The following TBC1D22A variants were observed in gnomAD, a reference collection of about 807,000 sequenced individuals.
TBC1D22A encodes the protein TBC1 domain family member 22A.
A neutral mutation model predicts 60.2 loss-of-function variants in TBC1D22A; 38 were observed. That is an observed-to-expected ratio of 0.63 (90% CI 0.49 to 0.83). TBC1D22A has a LOEUF of 0.83. Ranked by LOEUF, TBC1D22A falls within the 40% of genes least tolerant of loss-of-function variation. The pLI is 0.00. For missense variants in TBC1D22A, 628 were observed against 701.0 expected, an observed-to-expected ratio of 0.90 and a Z score of 1.18; for synonymous variants, 302 against 281.7, an observed-to-expected ratio of 1.07 and a Z score of -0.72.
intron 7 of TBC1D22A, among the ~76,000 whole-genome samples, chr22:46,898,694 A>G (rs184764409): frequency 6.6e-6 from 1 of 152,330 alleles, no homozygotes; most frequent in East Asian, 1.9e-4. Context: ...TAAGTTGTCC[A>G]TTTACACTGC....
At chr22:46,928,106 G>A (rs1440674900) in intron 8 of TBC1D22A, among the ~76,000 whole-genome samples, 2 of 142,032 alleles carry the variant, frequency 1.4e-5, no homozygotes, top group African/African-American at 2.7e-5. Context: ...AAAAGAACCC[G>A]GAATAGCCGT....
chr22:46,947,387 C>T (rs1250595608), intron 8 of TBC1D22A, among the ~76,000 whole-genome samples: 8 of 152,270 alleles, frequency 5.3e-5, no homozygotes, highest in African/African-American at 1.9e-4. Context: ...CCACATGGGG[C>T]TCAGTGACTT....
At chr22:47,091,069 G>C (rs2064934693) in intron 11 of TBC1D22A, among the ~76,000 whole-genome samples, 1 of 139,508 alleles carries the variant, frequency 7.2e-6, no homozygotes, top group South Asian at 2.4e-4. Context: ...CGCAGAGGGG[G>C]TGGCTGCTTG....
intron 10 of TBC1D22A, among the ~76,000 whole-genome samples, chr22:47,021,853 CT>C (rs2062100363): frequency 1.3e-5 from 2 of 152,248 alleles, no homozygotes; most frequent in Admixed American, 1.3e-4. Context: ...GCTCCTCTCA[CT>C]TCAATGCAGC....
intron 10 of TBC1D22A, among the ~76,000 whole-genome samples, chr22:47,018,092 G>A (rs920505906): frequency 3.9e-5 from 6 of 152,224 alleles, no homozygotes; most frequent in Admixed American, 2.0e-4. Context: ...CAGGCACCTC[G>A]TTCTGGGCAC....
chr22:47,083,628 T>C (rs1569428967), intron 11 of TBC1D22A, among the ~76,000 whole-genome samples: 1 of 152,188 alleles, frequency 6.6e-6, no homozygotes, highest in Non-Finnish European at 1.5e-5. Context: ...CTCCTTACCC[T>C]TGTGCTGAGC....
At chr22:46,886,026 G>A (rs1241882674) in intron 5 of TBC1D22A, among the ~76,000 whole-genome samples, 1 of 151,092 alleles carries the variant, frequency 6.6e-6, no homozygotes, top group African/African-American at 2.4e-5. Flanking sequence ...TCCTACCACA[G>A]CTTCCCGAGT....
chr22:46,909,754 T>C (rs948366892), intron 7 of TBC1D22A, among the ~76,000 whole-genome samples: 2 of 152,176 alleles, frequency 1.3e-5, no homozygotes, highest in Non-Finnish European at 2.9e-5. Context: ...TGAGTGGACC[T>C]AAGGGCTGTT....
chr22:46,976,888 T>TG (rs1311212901), intron 9 of TBC1D22A, among the ~76,000 whole-genome samples: 1 of 152,238 alleles, frequency 6.6e-6, no homozygotes, highest in East Asian at 1.9e-4. Flanking sequence ...AACTGTGTGC[T>TG]GGGGGCTCTT....
intron 12 of TBC1D22A, among the ~76,000 whole-genome samples, chr22:47,149,204 G>A (rs900299723): frequency 3.9e-5 from 6 of 152,184 alleles, no homozygotes; most frequent in Non-Finnish European, 5.9e-5. Context: ...AGATGTGTCC[G>A]TGACATGTCG....
At chr22:46,861,263 C>T in intron 4 of TBC1D22A, among the ~76,000 whole-genome samples, 1 of 152,104 alleles carries the variant, frequency 6.6e-6, no homozygotes, top group South Asian at 2.1e-4. Flanking sequence ...TGTGTTTTAT[C>T]TCACGTAAAA....
chr22:46,894,142 G>A (rs1017373292), intron 6 of TBC1D22A, among the ~76,000 whole-genome samples: 11 of 152,202 alleles, frequency 7.2e-5, no homozygotes, highest in African/African-American at 2.7e-4. Context: ...AGTGTGAGAT[G>A]TTCACGTGGG....
intron 12 of TBC1D22A, among the ~76,000 whole-genome samples, chr22:47,153,478 G>A (rs2067584907): frequency 6.6e-6 from 1 of 152,080 alleles, no homozygotes; most frequent in Non-Finnish European, 1.5e-5. Context: ...GGCCAGGAGA[G>A]GCTGCAGGCA....
At chr22:47,162,758 G>A (rs12168615) in intron 12 of TBC1D22A, among the ~76,000 whole-genome samples, 1 of 112,662 alleles carries the variant, frequency 8.9e-6, no homozygotes, top group Non-Finnish European at 1.8e-5. Flanking sequence ...GGGAGAGTCG[G>A]GGGAGTGGGA....
intron 12 of TBC1D22A, among the ~76,000 whole-genome samples, chr22:47,119,903 C>T (rs998696907): frequency 6.6e-6 from 1 of 152,216 alleles, no homozygotes; most frequent in South Asian, 2.1e-4. Flanking sequence ...CGCCTCGTTA[C>T]TGCATCCTTA....
At chr22:46,804,143 G>A (rs751958634) in intron 4 of TBC1D22A, among the ~76,000 whole-genome samples, 36 of 152,118 alleles carry the variant, frequency 2.4e-4, no homozygotes, top group Non-Finnish European at 4.4e-4. Flanking sequence ...CTGGGTTTGC[G>A]TTTTCCCCCC....
intron 11 of TBC1D22A, among the ~76,000 whole-genome samples, chr22:47,047,693 C>A (rs1179368790): frequency 6.6e-6 from 1 of 152,228 alleles, no homozygotes; most frequent in African/African-American, 2.4e-5. Context: ...AATGAACACT[C>A]AGTTGACCTC....
chr22:46,994,191 A>G (rs2075042771), intron 9 of TBC1D22A, among the ~76,000 whole-genome samples: 1 of 152,194 alleles, frequency 6.6e-6, no homozygotes, highest in South Asian at 2.1e-4. Flanking sequence ...GAGAAATAAA[A>G]CAAAACTGTG....
chr22:46,823,734 T>G (rs1047194200), intron 4 of TBC1D22A, among the ~76,000 whole-genome samples: 4 of 152,254 alleles, frequency 2.6e-5, no homozygotes. Context: ...GGGTCTGCTC[T>G]GCCTTCTCCG....
Sources: gnomAD v4.1 joint callset for allele counts (sites outside exome capture counted in the v4.1 genomes callset) on GRCh38, gnomAD v4.1.1 for gene constraint, MANE v1.5 for transcripts, NCBI Gene and HGNC (gene_info 2026-07-23, HGNC 2026-07-21) for gene names.